Variants in GNAQ observed in about 807,000 individuals in gnomAD.
GNAQ encodes the protein G protein subunit alpha q.
A neutral mutation model predicts 43.9 loss-of-function variants in GNAQ; 8 were observed. The ratio of observed to expected loss-of-function variants is 0.18; its 90% CI spans 0.11 to 0.33. The LOEUF is 0.33. Ranked by LOEUF, GNAQ falls within the 10% of genes least tolerant of loss-of-function variation. The pLI, the probability that GNAQ is intolerant of heterozygous loss-of-function variation, is 1.00. For missense variants in GNAQ, 158 were observed against 450.8 expected (o/e 0.35, Z 5.88); for synonymous variants, 155 against 170.7 (o/e 0.91, Z 0.71).
chr9:77,832,464 T>A lies in GNAQ; in HGVS notation c.322-16694A>T, dbSNP rs147085880. ...GGAAGAGGATGGAGGAAGGAGATGC[T>A]TGGAGTCAAAGTGTATGGCAGCATA... On this transcript the variant is annotated intron_variant, in intron 2 of 6. Transcript: ENST00000286548. 3.5e-3 allele frequency among the ~76,000 whole-genome samples: 526 copies of A among 152,210 alleles called. 4 individuals carry two copies. Among genetic ancestry groups the A allele is most frequent in the Admixed American group, 6.5e-3 (99 of 15,282 alleles).
At chr9:77,888,337 TAC>T (rs1828344518) in intron 2 of GNAQ, among the ~76,000 whole-genome samples, 1 of 152,218 alleles carries the variant, frequency 6.6e-6, no homozygotes. Context: ...CTCCTGCTAC[TAC>T]ACAGATTTCA....
chr9:77,897,434 G>A (rs1194437599), intron 2 of GNAQ, among the ~76,000 whole-genome samples: 3 of 152,268 alleles, frequency 2.0e-5, no homozygotes. Flanking sequence ...AAAAGTGAGA[G>A]GTGGCCAACT....
intron 1 of GNAQ, among the ~76,000 whole-genome samples, chr9:78,007,944 G>C (rs1404479954): frequency 2.6e-5 from 4 of 152,182 alleles, no homozygotes; most frequent in Non-Finnish European, 4.4e-5. Flanking sequence ...CTGGTGTGAA[G>C]GCCAAAATTT....
At chr9:77,855,278 G>T (rs150945190) in intron 2 of GNAQ, among the ~76,000 whole-genome samples, 1 of 151,970 alleles carries the variant, frequency 6.6e-6, no homozygotes, top group East Asian at 1.9e-4. Flanking sequence ...AATTACAGAG[G>T]ATATAAATAA....
At chr9:78,002,739 T>C (rs1221322134) in intron 1 of GNAQ, among the ~76,000 whole-genome samples, 2 of 152,172 alleles carry the variant, frequency 1.3e-5, no homozygotes, top group Non-Finnish European at 2.9e-5. Flanking sequence ...AAGGAATACA[T>C]GAAATTAGGA....
Position 78,022,038 on chromosome 9 carries a change from G to C in GNAQ, c.136+9062C>G, listed in dbSNP as rs558900311. Among the ~76,000 whole-genome samples the C allele has an allele frequency of 3.3e-5, 5 of 152,286 alleles. No homozygotes were observed. The East Asian group carries it at 9.7e-4, about 29-fold the overall frequency. ...CAAACTATCAGCAGCATGCCAGGCG[G>C]CACCAGGGGAGCTCTGGACAGACTT... On this transcript the variant is annotated intron_variant, in intron 1 of 6. Transcript: ENST00000286548.
chr9:77,965,764 G>A (rs1238560405), intron 1 of GNAQ, among the ~76,000 whole-genome samples: 4 of 151,860 alleles, frequency 2.6e-5, no homozygotes, highest in Middle Eastern at 6.9e-3. Context: ...AAAACAGCTT[G>A]GCAGTTTCTT....
intron 1 of GNAQ, among the ~76,000 whole-genome samples, chr9:78,008,655 G>A (rs989835384): frequency 4.0e-5 from 6 of 151,414 alleles, no homozygotes; most frequent in Non-Finnish European, 7.4e-5. Flanking sequence ...GTCTCGCTCT[G>A]TTGCCCAGGC....
intron 1 of GNAQ, among the ~76,000 whole-genome samples, chr9:77,990,516 T>A (rs1013233862): frequency 3.9e-5 from 6 of 152,218 alleles, no homozygotes; most frequent in Admixed American, 2.6e-4. Context: ...AGCCACAACA[T>A]CCAACCTCTT....
chr9:77,733,353 T>C (rs1587888775), intron 5 of GNAQ, among the ~76,000 whole-genome samples: 1 of 152,338 alleles, frequency 6.6e-6, no homozygotes, highest in Non-Finnish European at 1.5e-5. Context: ...TAACATGTAA[T>C]TGACTAAGGC....
intron 1 of GNAQ, among the ~76,000 whole-genome samples, chr9:77,961,214 CACG>C (rs1415417330): frequency 6.6e-6 from 1 of 152,116 alleles, no homozygotes; most frequent in Non-Finnish European, 1.5e-5. Flanking sequence ...TGTTTTAACA[CACG>C]ACAACAAGGA....
At chr9:77,931,253 G>A (rs568834144) in intron 1 of GNAQ, among the ~76,000 whole-genome samples, 28 of 151,086 alleles carry the variant, frequency 1.9e-4, no homozygotes, top group Admixed American at 7.9e-4. Flanking sequence ...CAGCAGGTCC[G>A]CATTTCCATC....
intron 1 of GNAQ, among the ~76,000 whole-genome samples, chr9:77,983,111 G>A (rs994449184): frequency 5.3e-5 from 8 of 152,166 alleles, no homozygotes; most frequent in Admixed American, 1.3e-4. Context: ...CTGCTGTACT[G>A]GGGTAGAAAG....
intron 2 of GNAQ, among the ~76,000 whole-genome samples, chr9:77,864,875 C>A (rs548285205): frequency 6.6e-6 from 1 of 152,294 alleles, no homozygotes; most frequent in East Asian, 1.9e-4. Flanking sequence ...ATGAAATCTC[C>A]TTGGTGGTTT....
rs748158046 is a variant in GNAQ at position 77,794,613 on chromosome 9, A to G, written c.606-21T>C. On this transcript the variant is annotated intron_variant, in intron 4 of 6. Coordinates refer to ENST00000286548, the MANE Select transcript of GNAQ (RefSeq NM_002072.5). ...CCATTCTGCAAGGTTAACAATACTCATATTAATAACATATAAAGTAAAACT... is the reference window on the plus strand; with the variant it reads ...CCATTCTGCAAGGTTAACAATACTCGTATTAATAACATATAAAGTAAAACT... The G allele has an allele frequency of 5.3e-6, 8 of 1,523,206 alleles. No individual in the cohort carries two copies. In the Admixed American group the frequency reaches 5.4e-5, roughly 10 times the overall value. 94.4% of individuals were successfully genotyped at this position (1,523,206 alleles called of 1,614,324 possible).
At chr9:78,028,539 A>G (rs1824010396) in intron 1 of GNAQ, among the ~76,000 whole-genome samples, 1 of 152,208 alleles carries the variant, frequency 6.6e-6, no homozygotes, top group African/African-American at 2.4e-5. Flanking sequence ...CTTCCATTAA[A>G]ATGGTATCAA....
At chr9:77,744,621 A>C (rs1039454180) in intron 5 of GNAQ, among the ~76,000 whole-genome samples, 1 of 152,212 alleles carries the variant, frequency 6.6e-6, no homozygotes, top group Admixed American at 6.5e-5. Flanking sequence ...AACTTTTAAA[A>C]GGACAAAATG....
intron 2 of GNAQ, among the ~76,000 whole-genome samples, chr9:77,837,847 A>AT (rs71360655): frequency 0.54 from 69,308 of 128,944 alleles, 20,863 homozygotes; most frequent in Non-Finnish European, 0.67. Flanking sequence ...AGTGATTTAA[A>AT]TTTTTTTTTT....
intron 1 of GNAQ, among the ~76,000 whole-genome samples, chr9:77,967,292 A>G (rs1823180384): frequency 1.3e-5 from 2 of 152,056 alleles, no homozygotes; most frequent in South Asian, 4.1e-4. Flanking sequence ...AACTGTGGCC[A>G]CTCCGTGCTT....
Sources: gnomAD v4.1 joint callset for allele counts (sites outside exome capture counted in the v4.1 genomes callset) on GRCh38, gnomAD v4.1.1 for gene constraint, MANE v1.5 for transcripts, NCBI Gene and HGNC (gene_info 2026-07-23, HGNC 2026-07-21) for gene names.